Variants in PRKAG2 observed in about 807,000 individuals in gnomAD.
PRKAG2 encodes 5'-AMP-activated protein kinase subunit gamma-2.
PRKAG2 carries 26 observed loss-of-function variants against 69.6 expected under a neutral mutation model. The observed-to-expected ratio is 0.37, with a 90% confidence interval of 0.27 to 0.52. PRKAG2 has a LOEUF of 0.52. Ranked by LOEUF, PRKAG2 falls within the 20% of genes least tolerant of loss-of-function variation. The pLI, the probability that PRKAG2 is intolerant of heterozygous loss-of-function variation, is 0.90. For synonymous variants in PRKAG2, 293 were observed against 285.0 expected, an observed-to-expected ratio of 1.03 and a Z score of -0.28; for missense variants, 557 against 740.0, an observed-to-expected ratio of 0.75 and a Z score of 2.87.
intron 1 of PRKAG2, among the ~76,000 whole-genome samples, chr7:151,800,126 G>C (rs1166256759): frequency 6.6e-6 from 1 of 151,958 alleles, no homozygotes. Flanking sequence ...GGGAGGCCGA[G>C]GTGGGCGGAT....
Position 151,650,372 on chromosome 7 carries a change from G to A in PRKAG2, c.685-18234C>T, listed in dbSNP as rs183108106. 3.9e-5 allele frequency among the ~76,000 whole-genome samples: 6 copies of A among 152,052 alleles called. No homozygotes were observed. In the East Asian group the frequency reaches 5.8e-4, roughly 15 times the overall value. Reference sequence around the variant, plus strand: ...TTTCTGCTGAGAAGTGGGCAATTACGCAAACTTTACCTCTAGGGAATGGTT... The same window carrying A: ...TTTCTGCTGAGAAGTGGGCAATTACACAAACTTTACCTCTAGGGAATGGTT... On this transcript the variant is annotated intron_variant, in intron 4 of 15. Coordinates refer to ENST00000287878, the MANE Select transcript of PRKAG2 (RefSeq NM_016203.4).
At chr7:151,569,355 A>G (rs1217006455) in intron 10 of PRKAG2, among the ~76,000 whole-genome samples, 2 of 152,244 alleles carry the variant, frequency 1.3e-5, no homozygotes, top group African/African-American at 4.8e-5. Context: ...GTTTTTTTAA[A>G]GAGTGTATTT....
At chr7:151,572,990 G>A (rs964426169) in intron 8 of PRKAG2, among the ~76,000 whole-genome samples, 3 of 152,038 alleles carry the variant, frequency 2.0e-5, no homozygotes, top group East Asian at 1.9e-4. Flanking sequence ...GTGGGTGCCT[G>A]TAGTCCCAGC....
chr7:151,870,157 GC>G (rs1485302518), intron 1 of PRKAG2, among the ~76,000 whole-genome samples: 11 of 112,664 alleles, frequency 9.8e-5, no homozygotes, highest in Non-Finnish European at 1.6e-4. Context: ...AGATAGATAG[GC>G]AGGCAGGCAG....
At chr7:151,841,702 G>C (rs1188979027) in intron 1 of PRKAG2, among the ~76,000 whole-genome samples, 1 of 52,366 alleles carries the variant, frequency 1.9e-5, no homozygotes, top group Non-Finnish European at 4.3e-5. Flanking sequence ...AGTGATGGTA[G>C]GTGGGGATGG....
chr7:151,817,758 G>A (rs561494706), intron 1 of PRKAG2, among the ~76,000 whole-genome samples: 1 of 152,250 alleles, frequency 6.6e-6, no homozygotes, highest in South Asian at 2.1e-4. Flanking sequence ...TTATCGATAA[G>A]GAAATTGAGG....
At chr7:151,787,471 G>A (rs972888237) in intron 1 of PRKAG2, among the ~76,000 whole-genome samples, 1 of 151,758 alleles carries the variant, frequency 6.6e-6, no homozygotes, top group Non-Finnish European at 1.5e-5. Flanking sequence ...ATTTGTGACT[G>A]TCTGACTCCA....
In PRKAG2 at chr7:151,610,074, C is replaced by G. The variant is rs77148181; in HGVS notation, c.755-14620G>C. Among the ~76,000 whole-genome samples the G allele has an allele frequency of 1.9e-3, 285 of 152,308 alleles. 2 individuals are homozygous for G. Among genetic ancestry groups the G allele is most frequent in the African/African-American group, 6.5e-3 (272 of 41,570 alleles). On this transcript the variant is annotated intron_variant, in intron 5 of 15. Transcript: ENST00000287878. ...ATACACAGGGACTGCTGCTTACTTTCCAGACTATAAGAACCTTAGTGTGGC... is the reference window on the plus strand; with the variant it reads ...ATACACAGGGACTGCTGCTTACTTTGCAGACTATAAGAACCTTAGTGTGGC...
intron 3 of PRKAG2, among the ~76,000 whole-genome samples, chr7:151,737,484 C>T (rs1026003896): frequency 6.6e-6 from 1 of 152,200 alleles, no homozygotes; most frequent in African/African-American, 2.4e-5. Context: ...AGATTAGTAG[C>T]CTGGGTTCTT....
At chr7:151,658,752 A>G (rs1829881139) in intron 4 of PRKAG2, among the ~76,000 whole-genome samples, 1 of 152,240 alleles carries the variant, frequency 6.6e-6, no homozygotes, top group Admixed American at 6.5e-5. Context: ...ATCACTAAGC[A>G]TCTAGCAGAA....
Position 151,632,289 on chromosome 7 carries a change from G to A in PRKAG2, c.685-151C>T. The A allele has an allele frequency of 1.0e-6, 1 of 973,480 alleles. No individual in the cohort carries two copies. The allele number at this position is 973,480 out of a possible 1,614,324, so 60.3% of individuals were successfully genotyped here. ...GGGACGCGGGCAGCGGGGGCCGGGG[G>A]CGGAGCGGGAGCGCTGCCCCCACCC... is the stretch of plus-strand genomic sequence containing the variant. On this transcript the variant is annotated intron_variant, in intron 4 of 15. Coordinates refer to ENST00000287878, the MANE Select transcript of PRKAG2 (RefSeq NM_016203.4). The surrounding 1 kb of genome is among the most constrained non-coding windows in gnomAD (Gnocchi z 4.2).
At chr7:151,725,977 C>T (rs1032941504) in intron 3 of PRKAG2, among the ~76,000 whole-genome samples, 23 of 152,084 alleles carry the variant, frequency 1.5e-4, no homozygotes, top group Admixed American at 5.9e-4. Flanking sequence ...GTTGCTATAG[C>T]GACAGCTGGT....
chr7:151,752,216 C>T (rs902375191), intron 3 of PRKAG2, among the ~76,000 whole-genome samples: 2 of 152,308 alleles, frequency 1.3e-5, no homozygotes, highest in East Asian at 3.9e-4. Flanking sequence ...GAATATTACA[C>T]AGCCATAAAA....
intron 1 of PRKAG2, among the ~76,000 whole-genome samples, chr7:151,864,880 C>T (rs890490255): frequency 6.6e-6 from 1 of 152,132 alleles, no homozygotes; most frequent in Non-Finnish European, 1.5e-5. Flanking sequence ...TTGAGCCAAA[C>T]GGAGACTTAG....
chr7:151,658,392 G>A (rs1829814928), intron 4 of PRKAG2, among the ~76,000 whole-genome samples: 1 of 147,776 alleles, frequency 6.8e-6, no homozygotes, highest in South Asian at 2.1e-4. Flanking sequence ...GGCTGAGGCA[G>A]AAGAATCGCT....
chr7:151,692,239 A>C (rs1835776180), intron 3 of PRKAG2, among the ~76,000 whole-genome samples: 5 of 152,196 alleles, frequency 3.3e-5, no homozygotes, highest in Admixed American at 3.3e-4. Flanking sequence ...AAACTGGTGC[A>C]TCTATACAAT....
At chr7:151,860,448 G>C (rs974501409) in intron 1 of PRKAG2, among the ~76,000 whole-genome samples, 3 of 152,118 alleles carry the variant, frequency 2.0e-5, no homozygotes, top group African/African-American at 7.2e-5. Flanking sequence ...TCAGAGACAC[G>C]CACTGATGGG....
At chr7:151,703,958 C>T (rs577352199) in intron 3 of PRKAG2, among the ~76,000 whole-genome samples, 3 of 149,818 alleles carry the variant, frequency 2.0e-5, no homozygotes, top group African/African-American at 4.9e-5. Flanking sequence ...GCTACTCAGG[C>T]GGCTGAGGCA....
At chr7:151,806,454 C>G (rs965885767) in intron 1 of PRKAG2, 1 of 153,902 alleles carries the variant, frequency 6.5e-6, no homozygotes, top group Non-Finnish European at 1.4e-5. Context: ...ACATTTCACC[C>G]GTGACTGCAT....
Sources: allele counts gnomAD v4.1 joint callset (sites outside exome capture counted in the v4.1 genomes callset), GRCh38; gene constraint gnomAD v4.1.1; non-coding constraint Gnocchi (gnomAD v3.1); transcripts MANE v1.5; gene names NCBI Gene and HGNC (gene_info 2026-07-23, HGNC 2026-07-21).